SMARCA4: variants seen among roughly 807,000 people sequenced by gnomAD.
The protein encoded by SMARCA4 is SWI/SNF-related matrix-associated actin-dependent regulator of chromatin subfamily A member 4.
SMARCA4 carries 31 observed loss-of-function variants against 193.9 expected under a neutral mutation model. That is an observed-to-expected ratio of 0.16 (90% CI 0.12 to 0.22). SMARCA4 has a LOEUF of 0.22. SMARCA4 is among the 10% of genes least tolerant of loss of function. The pLI is 1.00. For missense variants in SMARCA4, 1,148 were observed against 2,296.0 expected (o/e 0.50, Z 10.22); for synonymous variants, 942 against 933.1 (o/e 1.01, Z -0.17).
At chr19:11,044,352 T>A (rs1484990337) in intron 30 of SMARCA4, among the ~76,000 whole-genome samples, 1 of 152,144 alleles carries the variant, frequency 6.6e-6, no homozygotes, top group South Asian at 2.1e-4. Context: ...TCACAAACAA[T>A]TGAGAAATTA....
chr19:11,020,123 T>C (rs1480432882), intron 18 of SMARCA4, among the ~76,000 whole-genome samples: 3 of 152,132 alleles, frequency 2.0e-5, no homozygotes, highest in Non-Finnish European at 2.9e-5. Context: ...AGATTCAGCA[T>C]GTGGGGGAGA....
chr19:10,985,295 A>C lies in SMARCA4; in HGVS notation c.245A>C (p.Lys82Thr). 1 of 1,613,946 alleles carries C rather than the reference A, an allele frequency of 6.2e-7. No individual in the cohort carries two copies. The highest frequency in any genetic ancestry group is 8.5e-7 in the Non-Finnish European group (1 of 1,179,984). Residue 82 changes from lysine to threonine, a missense_variant, in exon 3 of 35, where the codon AAG becomes ACG. Physicochemically the swap from Lys to Thr is moderately conservative, Grantham distance 78. Transcript: ENST00000344626. This position sits in a 1 kb window ranked among gnomAD's most constrained non-coding sequence, Gnocchi z 4.5. Reference sequence around the variant, plus strand: ...CAGCCCATGGAGTCCATGCATGAGAAGGGCATGTCGGACGACCCGCGCTAC... The same window carrying C: ...CAGCCCATGGAGTCCATGCATGAGACGGGCATGTCGGACGACCCGCGCTAC... Reference protein sequence around the residue: ...MHKPMESMHEKGMSDDPRYNQ... With the variant: ...MHKPMESMHETGMSDDPRYNQ...
chr19:11,021,586 C>T (rs1375256677), intron 18 of SMARCA4, 139 bp from the exon 19 acceptor site: 1 of 1,082,138 alleles, frequency 9.2e-7, no homozygotes, highest in Admixed American at 2.0e-5. Flanking sequence ...CGGGGCAGGA[C>T]GTCAGGCCTG....
intron 11 of SMARCA4, among the ~76,000 whole-genome samples, chr19:11,001,235 G>T (rs1175194480): frequency 6.6e-6 from 1 of 152,100 alleles, no homozygotes; most frequent in African/African-American, 2.4e-5. Flanking sequence ...TCAGGAGGCT[G>T]AGGTGGGAGG....
intron 32 of SMARCA4, 123 bp from the exon 33 acceptor site, chr19:11,059,630 C>A (rs934172489): frequency 2.7e-6 from 3 of 1,101,668 alleles, no homozygotes; most frequent in Non-Finnish European, 4.0e-6. Flanking sequence ...CGCTGAGGCT[C>A]GCATTGGCCA....
At chr19:11,054,439 C>T (rs778183547) in intron 30 of SMARCA4, among the ~76,000 whole-genome samples, 18 of 152,236 alleles carry the variant, frequency 1.2e-4, no homozygotes, top group Non-Finnish European at 2.5e-4. Flanking sequence ...CAGCCAACCT[C>T]GGCCCAGGAT....
At chr19:11,024,961 A>G (rs1209420520) in intron 21 of SMARCA4, among the ~76,000 whole-genome samples, 1 of 146,416 alleles carries the variant, frequency 6.8e-6, no homozygotes, top group Non-Finnish European at 1.5e-5. Flanking sequence ...TCCCTAGTCC[A>G]TTCCCAGCCC....
chr19:10,972,119 C>T (rs892436991), intron 1 of SMARCA4, among the ~76,000 whole-genome samples: 2 of 152,086 alleles, frequency 1.3e-5, no homozygotes, highest in Admixed American at 6.6e-5. Context: ...GCCACCATGC[C>T]GGCTAATTTT....
At chr19:10,995,483 A>G (rs933102627) in intron 9 of SMARCA4, 8 of 456,876 alleles carry the variant, frequency 1.8e-5, no homozygotes, top group African/African-American at 1.6e-4. Flanking sequence ...CAAACAGAGT[A>G]GTGGATGGTG....
intron 16 of SMARCA4, among the ~76,000 whole-genome samples, chr19:11,016,463 G>T (rs117234045): frequency 6.6e-6 from 1 of 152,122 alleles, no homozygotes; most frequent in Non-Finnish European, 1.5e-5. Context: ...GTTTCTGTCC[G>T]CTCTTCTCTA....
rs62129061 is a variant in SMARCA4, at chr19:11,018,924, C to T, written c.2439-33C>T. The stretch of plus-strand genomic sequence containing the variant: ...GCACAGTGAGCCATTGATGAGAGAC[C>T]GGCACTTGACTCTCATTTCCTTGTT... On this transcript the variant is annotated intron_variant, in intron 16 of 34. Transcript: ENST00000344626. 0.1 allele frequency: 161,047 copies of T among 1,581,766 alleles called. 9,159 individuals carry two copies. The highest frequency in any genetic ancestry group is 0.12 in the Non-Finnish European group (138,131 of 1,150,330).
Position 11,041,294 on chromosome 19 carries a change from A to G in SMARCA4, c.4171-13A>G, listed in dbSNP as rs201298366. 5.3e-4 allele frequency: 856 copies of G among 1,603,722 alleles called. No homozygotes were observed. The highest frequency in any genetic ancestry group is 6.9e-4 in the Non-Finnish European group (807 of 1,175,846). ...GTGCTGGCTGTCCTATTTTACTACT[A>G]TTGACCCTGAAGGCCATCGAGGAGG... On this transcript the variant is annotated splice_polypyrimidine_tract_variant and intron_variant, in intron 29 of 34. Transcript: ENST00000344626. The surrounding 1 kb of genome is among the most constrained non-coding windows in gnomAD (Gnocchi z 5.6).
chr19:10,981,821 CA>C (rs892159737), intron 1 of SMARCA4, among the ~76,000 whole-genome samples: 1 of 151,248 alleles, frequency 6.6e-6, no homozygotes, highest in East Asian at 2.0e-4. Flanking sequence ...CCTGTCTCTA[CA>C]AAAAAATTAA....
At position 11,031,250 on chromosome 19, in the gene SMARCA4, C is replaced by T; in HGVS notation, c.3546+357C>T. On this transcript the variant is annotated intron_variant, in intron 25 of 34. Transcript: ENST00000344626. This position sits in a 1 kb window ranked among gnomAD's most constrained non-coding sequence, Gnocchi z 4.3. The stretch of plus-strand genomic sequence containing the variant: ...CTGCAGTGTGCCCTGTGAGCACACA[C>T]ACTGGCGCTTGTTCAGACACAATTG... 1 of 358,378 alleles carries T rather than the reference C, an allele frequency of 2.8e-6. No individual in the cohort carries two copies. Among genetic ancestry groups the T allele is most frequent in the Non-Finnish European group, 5.4e-6 (1 of 185,762 alleles). 22.2% of individuals were successfully genotyped at this position (358,378 alleles called of 1,614,324 possible).
intron 32 of SMARCA4, chr19:11,059,342 G>T: frequency 3.1e-6 from 1 of 318,728 alleles, no homozygotes; most frequent in South Asian, 3.0e-5. Flanking sequence ...CCTCAACTTG[G>T]CAAACTTTCT....
chr19:11,016,251 C>A lies in SMARCA4; in HGVS notation c.2439-2706C>A, dbSNP rs143269165. 1.2e-3 allele frequency among the ~76,000 whole-genome samples: 181 copies of A among 152,088 alleles called. 1 individual carries two copies. The highest frequency in any genetic ancestry group is 6.8e-3 in the Middle Eastern group (2 of 292). On this transcript the variant is annotated intron_variant, in intron 16 of 34. Transcript: ENST00000344626. ...CCCCCATCCCCAGTACAGTACAGGCCGTTCACGAGGGTTCACGAGGCCGTT... is the reference window on the plus strand; with the variant it reads ...CCCCCATCCCCAGTACAGTACAGGCAGTTCACGAGGGTTCACGAGGCCGTT...
In SMARCA4 at chr19:11,059,794, C is replaced by T. The variant is rs143683859; in HGVS notation, c.4677C>T (p.Ser1559=). ...TCGTCTTGCAGTCGGTCTTCACCAGCGTGCGGCAGAAAATCGAGAAGGAGG... is the reference window on the plus strand; with the variant it reads ...TCGTCTTGCAGTCGGTCTTCACCAGTGTGCGGCAGAAAATCGAGAAGGAGG... ...DSIVLQSVFT[S]VRQKIEKEDD... The change falls in exon 33 of 35, where the codon AGC becomes AGT. Residue 1559 remains serine, a synonymous_variant. Coordinates refer to ENST00000344626, the MANE Select transcript of SMARCA4 (RefSeq NM_003072.5). 39 of 1,606,038 alleles carry T rather than the reference C, an allele frequency of 2.4e-5. 1 individual carries two copies. The highest frequency in any genetic ancestry group is 3.0e-5 in the Non-Finnish European group (35 of 1,176,328).
chr19:11,021,004 G>C (rs964188520), intron 18 of SMARCA4: 1 of 156,954 alleles, frequency 6.4e-6, no homozygotes, highest in Non-Finnish European at 1.4e-5. Flanking sequence ...CAACAAGGGA[G>C]GAAACTGAGG....
rs2146095178 is a variant in SMARCA4 at position 11,003,054 on chromosome 19, G to A, written c.1838G>A (p.Ser613Asn). The change falls in exon 12 of 35, where the codon AGC (serine) becomes AAC (asparagine). Residue 613 changes from serine (S) to asparagine (N), a missense_variant. Coordinates refer to ENST00000344626, the MANE Select transcript of SMARCA4 (RefSeq NM_003072.5). ...CCTCTGGACGAGACCAGCCAGATGAGCGACCTCCCGGTGAAGGTGATCCAC... is the reference window on the plus strand; with the variant it reads ...CCTCTGGACGAGACCAGCCAGATGAACGACCTCCCGGTGAAGGTGATCCAC... The part of the protein sequence containing the change: ...GEPLDETSQM[S>N]DLPVKVIHVE... 6.2e-7 allele frequency: 1 copy of A among 1,614,124 alleles called. No individual in the cohort carries two copies. Among genetic ancestry groups the A allele is most frequent in the Non-Finnish European group, 8.5e-7 (1 of 1,180,002 alleles).
Sources: gnomAD v4.1 joint callset for allele counts (sites outside exome capture counted in the v4.1 genomes callset) on GRCh38, gnomAD v4.1.1 for gene constraint, Gnocchi (gnomAD v3.1) non-coding constraint, MANE v1.5 for transcripts, NCBI Gene and HGNC (gene_info 2026-07-23, HGNC 2026-07-21) for gene names.